RGS9: variants seen among roughly 807,000 people sequenced by gnomAD.
The protein encoded by RGS9 is regulator of G-protein signalling 9.
RGS9 carries 78 observed loss-of-function variants against 102.0 expected under a neutral mutation model. The observed-to-expected ratio is 0.76, with a 90% CI of 0.64 to 0.92. The LOEUF (loss-of-function observed/expected upper bound fraction) is 0.92. Ranked by LOEUF, RGS9 falls within the 40% of genes least tolerant of loss-of-function variation. The probability of loss-of-function intolerance (pLI) is 0.00; values close to 1 mark genes in which losing one functional copy is unlikely to be tolerated. For missense variants in RGS9, 833 were observed against 866.1 expected (o/e 0.96, Z 0.48); for synonymous variants, 353 against 318.6 (o/e 1.11, Z -1.15).
chr17:65,218,433 C>T (rs1199500005), intron 17 of RGS9, among the ~76,000 whole-genome samples: 1 of 152,174 alleles, frequency 6.6e-6, no homozygotes, highest in African/African-American at 2.4e-5. Flanking sequence ...AATTTTAATC[C>T]TTGAAGCTAG....
At chr17:65,221,116 G>T (rs953917078) in intron 17 of RGS9, among the ~76,000 whole-genome samples, 4 of 152,208 alleles carry the variant, frequency 2.6e-5, no homozygotes, top group African/African-American at 7.2e-5. Flanking sequence ...AAAGCTAATG[G>T]TCATTTGCCC....
chr17:65,215,474 C>CTTTCTTTTTCTT (rs1378047430), intron 17 of RGS9, among the ~76,000 whole-genome samples: 4 of 137,046 alleles, frequency 2.9e-5, no homozygotes, highest in East Asian at 2.1e-4. Context: ...TTCTTTCTTT[C>CTTTCTTTTTCTT]TCTATCTTTC....
intron 6 of RGS9, among the ~76,000 whole-genome samples, chr17:65,162,527 A>G (rs985736515): frequency 3.3e-5 from 5 of 152,134 alleles, no homozygotes; most frequent in Non-Finnish European, 5.9e-5. Context: ...CAGTAGCACA[A>G]TCTTGGCTCA....
intron 9 of RGS9, among the ~76,000 whole-genome samples, chr17:65,182,980 G>A (rs958940160): frequency 6.6e-6 from 1 of 152,160 alleles, no homozygotes; most frequent in African/African-American, 2.4e-5. Flanking sequence ...GGTCGTACCT[G>A]GCTGGACGGC....
chr17:65,196,898 T>A (rs1456082525), intron 12 of RGS9, among the ~76,000 whole-genome samples: 2 of 152,198 alleles, frequency 1.3e-5, no homozygotes, highest in Non-Finnish European at 2.9e-5. Context: ...ACGGTGGGCA[T>A]CCTCCTCACC....
chr17:65,163,113 G>A (rs1172127734), intron 7 of RGS9, 24 bp downstream of exon 7: 2 of 1,251,196 alleles, frequency 1.6e-6, no homozygotes, highest in South Asian at 2.4e-5. Flanking sequence ...GACCATGCTT[G>A]TCCTCTCGGT....
chr17:65,160,707 T>C (rs1448861763), intron 5 of RGS9, 120 bp downstream of exon 5: 1 of 1,388,818 alleles, frequency 7.2e-7, no homozygotes, highest in South Asian at 1.2e-5. Context: ...TCCACATCTG[T>C]ACTGGGCATG....
At chr17:65,158,701 T>C in intron 3 of RGS9, 1 of 397,470 alleles carries the variant, frequency 2.5e-6, no homozygotes, top group East Asian at 5.9e-5. Context: ...GCAAGAGCAA[T>C]GGTTTAGAAA....
intron 1 of RGS9, 79 bp downstream of exon 1, chr17:65,137,676 A>T (rs2143936810): frequency 7.2e-7 from 1 of 1,397,848 alleles, no homozygotes; most frequent in East Asian, 2.3e-5. Flanking sequence ...CAAGAGGGGC[A>T]GGAGTGGAGA....
intron 15 of RGS9, among the ~76,000 whole-genome samples, chr17:65,205,647 G>A (rs181347955): frequency 2.6e-5 from 4 of 151,868 alleles, no homozygotes; most frequent in East Asian, 3.9e-4. Flanking sequence ...ATCTGATATA[G>A]GTTATGTGAT....
chr17:65,202,424 T>C (rs1912888486), intron 14 of RGS9, among the ~76,000 whole-genome samples: 1 of 132,190 alleles, frequency 7.6e-6, no homozygotes, highest in Non-Finnish European at 1.6e-5. Context: ...TGTGTGTGTG[T>C]GTGTGTGTGT....
chr17:65,159,243 G>C (rs547332477), intron 3 of RGS9, among the ~76,000 whole-genome samples: 1 of 148,640 alleles, frequency 6.7e-6, no homozygotes, highest in East Asian at 2.0e-4. Context: ...ATCTCCCTTC[G>C]CTGACTCTCT....
chr17:65,180,418 G>A (rs960906670), intron 9 of RGS9, among the ~76,000 whole-genome samples: 3 of 151,884 alleles, frequency 2.0e-5, no homozygotes, highest in Non-Finnish European at 2.9e-5. Flanking sequence ...GCGTGATCTC[G>A]GCTCACTGCA....
intron 9 of RGS9, among the ~76,000 whole-genome samples, chr17:65,182,954 T>C (rs1318672324): frequency 6.6e-6 from 1 of 152,260 alleles, no homozygotes; most frequent in Non-Finnish European, 1.5e-5. Context: ...TAAGCAATTC[T>C]ACCTCTACTT....
intron 7 of RGS9, among the ~76,000 whole-genome samples, chr17:65,167,748 G>A (rs958466523): frequency 3.9e-5 from 6 of 152,186 alleles, no homozygotes; most frequent in African/African-American, 7.2e-5. Flanking sequence ...ACCCATGCGC[G>A]CTGCTCTCTA....
intron 15 of RGS9, 65 bp downstream of exon 15, chr17:65,204,366 A>C (rs1912968061): frequency 1.9e-6 from 3 of 1,573,614 alleles, no homozygotes; most frequent in Admixed American, 3.6e-5. Flanking sequence ...TACCCGGAAA[A>C]TTCTTTAGAT....
intron 11 of RGS9, among the ~76,000 whole-genome samples, chr17:65,190,894 T>C (rs1912340325): frequency 6.6e-6 from 1 of 152,248 alleles, no homozygotes; most frequent in Non-Finnish European, 1.5e-5. Flanking sequence ...GGAGGCACGA[T>C]GTGACTAATC....
At chr17:65,157,280 G>A (rs1363644486) in intron 2 of RGS9, among the ~76,000 whole-genome samples, 1 of 152,070 alleles carries the variant, frequency 6.6e-6, no homozygotes, top group African/African-American at 2.4e-5. Context: ...TGGTATCTGT[G>A]ATGCGGTGCT....
chr17:65,143,733 G>A (rs1910246101), intron 1 of RGS9, among the ~76,000 whole-genome samples: 1 of 150,628 alleles, frequency 6.6e-6, no homozygotes, highest in Admixed American at 6.6e-5. Flanking sequence ...GGCAGAGGTT[G>A]CAGTGAGCCG....
Sources: gnomAD v4.1 joint callset for allele counts (sites outside exome capture counted in the v4.1 genomes callset) on GRCh38, gnomAD v4.1.1 for gene constraint, MANE v1.5 for transcripts, NCBI Gene and HGNC (gene_info 2026-07-23, HGNC 2026-07-21) for gene names.